The following ANTXRL variants were observed in gnomAD, a reference collection of about 807,000 sequenced individuals.
ANTXRL encodes ANTXR like, also known as anthrax toxin receptor-like.
In ANTXRL, 63 loss-of-function variants were observed where a neutral mutation model predicts 75.4. That is an observed-to-expected ratio of 0.84 (90% CI 0.68 to 1.03). The LOEUF is 1.03. Among genes scored for constraint, ANTXRL ranks in the 50% least tolerant of loss-of-function variants. The pLI is 0.00. For missense variants in ANTXRL, 797 were observed against 789.4 expected (o/e 1.01, Z -0.12); for synonymous variants, 335 against 291.3 (o/e 1.15, Z -1.53).
chr10:46,323,444 T>A (rs918206191), intron 16 of ANTXRL, among the ~76,000 whole-genome samples: 2 of 152,252 alleles, frequency 1.3e-5, no homozygotes, highest in African/African-American at 4.8e-5. Context: ...GCATTTTAGA[T>A]GGAGATTAGA....
intron 9 of ANTXRL, among the ~76,000 whole-genome samples, chr10:46,301,358 T>G (rs534594912): frequency 4.5e-4 from 69 of 152,334 alleles, no homozygotes; most frequent in African/African-American, 1.6e-3. Context: ...GGGCACCAAG[T>G]TGGCATTTCC....
intron 16 of ANTXRL, among the ~76,000 whole-genome samples, chr10:46,322,097 T>C (rs1478900918): frequency 6.6e-6 from 1 of 151,960 alleles, no homozygotes; most frequent in Non-Finnish European, 1.5e-5. Context: ...TTCTTGGCTA[T>C]TGTCATTGAA....
At chr10:46,289,168 C>T (rs1286351615) in intron 1 of ANTXRL, among the ~76,000 whole-genome samples, 11 of 152,142 alleles carry the variant, frequency 7.2e-5, no homozygotes, top group African/African-American at 2.7e-4. Context: ...ATTCATGAGA[C>T]TCATTATTCA....
chr10:46,329,707 C>T lies in ANTXRL; in HGVS notation c.1519C>T (p.Pro507Ser), dbSNP rs1270550810. ...SQECLSLPQA[P>S]CSPRMCLRHS... ...GGAGTGCCTTTCCCTACCACAGGCT[C>T]CCTGCAGCCCAAGGATGTGCCTGAG... Residue 507 changes from proline (P) to serine (S), a missense_variant, in exon 17 of 17, where the codon CCC (proline) becomes TCC (serine). Coordinates refer to ENST00000620264, the MANE Select transcript of ANTXRL (RefSeq NM_001278688.3). 2.0e-6 allele frequency: 3 copies of T among 1,535,290 alleles called. No individual in the cohort carries two copies. Among genetic ancestry groups the T allele is most frequent in the Admixed American group, 2.0e-5 (1 of 50,900 alleles).
intron 16 of ANTXRL, among the ~76,000 whole-genome samples, chr10:46,319,780 C>CATAA (rs1367668770): frequency 6.6e-6 from 1 of 152,016 alleles, no homozygotes; most frequent in East Asian, 1.9e-4. Flanking sequence ...CAGTTGCTCC[C>CATAA]ATAAACACAT....
rs782382168 is a variant in ANTXRL, at chr10:46,316,841, G to A, written c.1410+3525G>A. On this transcript the variant is annotated intron_variant, in intron 16 of 16. Coordinates refer to ENST00000620264, the MANE Select transcript of ANTXRL (RefSeq NM_001278688.3). The stretch of plus-strand genomic sequence containing the variant: ...AATGTCTGTGTGGAGTTTGCATGTT[G>A]TTGCTATGGCTGCAGGGAATTTTTC... 2.9e-4 allele frequency among the ~76,000 whole-genome samples: 44 copies of A among 152,278 alleles called. 1 individual carries two copies. The highest frequency in any genetic ancestry group is 2.1e-3 in the South Asian group (10 of 4,824).
At chr10:46,303,294 T>C (rs1217071800) in intron 10 of ANTXRL, among the ~76,000 whole-genome samples, 1 of 152,216 alleles carries the variant, frequency 6.6e-6, no homozygotes, top group East Asian at 1.9e-4. Context: ...GCCTGGGCCT[T>C]GGAATCCTGG....
intron 13 of ANTXRL, among the ~76,000 whole-genome samples, chr10:46,309,549 A>G (rs1838298326): frequency 6.6e-6 from 1 of 152,204 alleles, no homozygotes; most frequent in Non-Finnish European, 1.5e-5. Context: ...CAGATGGACA[A>G]GGGCCAGGAG....
chr10:46,295,262 G>A (rs1331672728), intron 3 of ANTXRL, among the ~76,000 whole-genome samples: 1 of 152,188 alleles, frequency 6.6e-6, no homozygotes, highest in Non-Finnish European at 1.5e-5. Flanking sequence ...ATTGGGCTGG[G>A]TGCAGGGCTG....
Position 46,297,471 on chromosome 10 carries a change from T to C in ANTXRL, c.651T>C (p.Asp217=), listed in dbSNP as rs4409768. 0.46 allele frequency: 698,981 copies of C among 1,530,584 alleles called. 153,077 individuals are homozygous for C. The highest frequency in any genetic ancestry group is 0.48 in the Non-Finnish European group (553,913 of 1,142,402). The allele number at this position is 1,530,584 out of a possible 1,614,324, so 94.8% of individuals were successfully genotyped here. The part of the protein sequence containing the change: ...YTLGVADYNL[D]QITAIADSPG... ...TGGGTGTGGCTGATTATAATCTGGA[T>C]CAGGTAATTCCAAGCAGGTAACCAG... The change falls in exon 7 of 17, where the codon GAT becomes GAC. Residue 217 remains aspartate, a synonymous_variant. Transcript: ENST00000620264.
At chr10:46,329,550 C>A in intron 16 of ANTXRL, 49 bp from the exon 17 acceptor site, 1 of 1,514,222 alleles carries the variant, frequency 6.6e-7, no homozygotes. Flanking sequence ...CTTCTGAGCC[C>A]AGTTCGAATG....
chr10:46,310,072 G>A (rs1168539593), intron 13 of ANTXRL, among the ~76,000 whole-genome samples: 1 of 152,156 alleles, frequency 6.6e-6, no homozygotes, highest in Non-Finnish European at 1.5e-5. Context: ...TCAGCCATGA[G>A]GCTGGGAGGT....
At chr10:46,325,609 T>G (rs2132923460) in intron 16 of ANTXRL, among the ~76,000 whole-genome samples, 1 of 152,268 alleles carries the variant, frequency 6.6e-6, no homozygotes, top group East Asian at 1.9e-4. Flanking sequence ...CATTCCAGTC[T>G]CTGAAGGAAA....
At position 46,329,974 on chromosome 10, in the gene ANTXRL, C is replaced by T. The variant is rs782164741; in HGVS notation, c.1786C>T (p.Pro596Ser). Reference sequence around the variant, plus strand: ...CTGCTCCTCCAGGTGCCGCCTCCCCCCAGCTAGGTGCTTGAGGCCTCCCTC... The same window carrying T: ...CTGCTCCTCCAGGTGCCGCCTCCCCTCAGCTAGGTGCTTGAGGCCTCCCTC... The part of the protein sequence containing the change: ...LTCSSRCRLP[P>S]ARCLRPPSRM... The change falls in exon 17 of 17, where the codon CCA becomes TCA. Residue 596 changes from proline to serine, a missense_variant. Physicochemically the swap from Pro to Ser is moderately conservative, Grantham distance 74. This residue lies in a region of ANTXRL where 479 missense variants were observed against 422.0 expected (regional missense o/e 1.14). Coordinates refer to ENST00000620264, the MANE Select transcript of ANTXRL (RefSeq NM_001278688.3). 1 of 1,535,834 alleles carries T rather than the reference C, an allele frequency of 6.5e-7. No homozygotes were observed. The highest frequency in any genetic ancestry group is 1.2e-5 in the South Asian group (1 of 84,040).
rs1554955552 is a variant in ANTXRL at position 46,287,469 on chromosome 10, C to T, written c.207C>T (p.His69=). 6.5e-7 allele frequency: 1 copy of T among 1,535,876 alleles called. No individual in the cohort carries two copies. ...ACTGGCGCCAGGGGCAAGCAGGTCACAGATGCCAGGGCTCATTTGACCTCT... is the reference window on the plus strand; with the variant it reads ...ACTGGCGCCAGGGGCAAGCAGGTCATAGATGCCAGGGCTCATTTGACCTCT... The part of the protein sequence containing the change: ...RQHWRQGQAG[H]RCQGSFDLYF... The change falls in exon 1 of 17, where the codon CAC becomes CAT. Residue 69 remains histidine, a synonymous_variant. Coordinates refer to ENST00000620264, the MANE Select transcript of ANTXRL (RefSeq NM_001278688.3).
intron 16 of ANTXRL, among the ~76,000 whole-genome samples, chr10:46,326,279 G>A (rs1565057639): frequency 6.6e-6 from 1 of 152,104 alleles, no homozygotes; most frequent in South Asian, 2.1e-4. Flanking sequence ...TAGGGATGAT[G>A]GAAGGCAGGG....
At position 46,292,039 on chromosome 10, in the gene ANTXRL, A is replaced by G; in HGVS notation, c.249-19A>G. On this transcript the variant is annotated intron_variant, in intron 1 of 16. Coordinates refer to ENST00000620264, the MANE Select transcript of ANTXRL (RefSeq NM_001278688.3). ...AGAGATGCACTCATCTCCCTGACCC[A>G]CATCTCCTTTTGTTTTAGGTCTGGC... 6.5e-7 allele frequency: 1 copy of G among 1,535,422 alleles called. No individual in the cohort carries two copies. Among genetic ancestry groups the G allele is most frequent in the Non-Finnish European group, 8.7e-7 (1 of 1,146,128 alleles).
At position 46,330,018 on chromosome 10, in the gene ANTXRL, G is replaced by T. The variant is rs1271167911; in HGVS notation, c.1830G>T (p.Leu610=). 7.2e-6 allele frequency: 11 copies of T among 1,533,588 alleles called. No individual in the cohort carries two copies. In the East Asian group the frequency reaches 2.0e-4, roughly 27 times the overall value. The allele number at this position is 1,533,588 out of a possible 1,614,324, so 95.0% of individuals were successfully genotyped here. ...CTCCCTCCAGGATGCTGCCGCTGCT[G>T]TCCCCACTGCTCAGGCACACGGCAG... ...LRPPSRMLPL[L]SPLLRHTAEP... is the part of the protein sequence containing the mutation. Residue 610 remains leucine (L), a synonymous_variant, in exon 17 of 17, where the codon CTG becomes CTT. Coordinates refer to ENST00000620264, the MANE Select transcript of ANTXRL (RefSeq NM_001278688.3).
In ANTXRL at chr10:46,329,944, C is replaced by A. The variant is rs561376939; in HGVS notation, c.1756C>A (p.Leu586Ile). The change falls in exon 17 of 17, where the codon CTC becomes ATC. Residue 586 changes from leucine to isoleucine, a missense_variant. By Grantham distance (5) the Leu-to-Ile change is conservative. Coordinates refer to ENST00000620264, the MANE Select transcript of ANTXRL (RefSeq NM_001278688.3). ...TCAACCCAGCCGGGAGTGCCTCCCC[C>A]TCACCTGCTCCTCCAGGTGCCGCCT... ...CLQPSRECLP[L>I]TCSSRCRLPP... The A allele has an allele frequency of 3.3e-5, 50 of 1,535,898 alleles. No individual in the cohort carries two copies. Among genetic ancestry groups the A allele is most frequent in the Admixed American group, 1.4e-4 (7 of 50,968 alleles).
Sources: gnomAD v4.1 joint callset for allele counts (sites outside exome capture counted in the v4.1 genomes callset) on GRCh38, gnomAD v4.1.1 for gene constraint, gnomAD v4.1.1 regional missense constraint, MANE v1.5 for transcripts, NCBI Gene and HGNC (gene_info 2026-07-23, HGNC 2026-07-21) for gene names.